Variants in MIA2 observed in about 807,000 individuals in gnomAD.
MIA2 encodes the protein MIA SH3 domain ER export factor 2.
A neutral mutation model predicts 167.8 loss-of-function variants in MIA2; 127 were observed. The observed-to-expected ratio is 0.76, with a 90% CI of 0.66 to 0.88. The LOEUF is 0.88. Ranked by LOEUF, MIA2 falls within the 40% of genes least tolerant of loss-of-function variation. The pLI, the probability that MIA2 is intolerant of heterozygous loss-of-function variation, is 0.00. For synonymous variants in MIA2, 552 were observed against 541.9 expected (o/e 1.02, Z -0.26); for missense variants, 1,690 against 1,624.7 (o/e 1.04, Z -0.69).
At chr14:39,355,819 T>C (rs1436654395), downstream of MIA2, among the ~76,000 whole-genome samples, 1 of 152,182 alleles carries the variant, frequency 6.6e-6, no homozygotes, top group Non-Finnish European at 1.5e-5. Flanking sequence ...ATCATGTGGT[T>C]TTTGTCGTTG....
intron 13 of MIA2, among the ~76,000 whole-genome samples, chr14:39,299,070 A>T (rs1464189895): frequency 3.2e-4 from 2 of 6,342 alleles, no homozygotes; most frequent in Non-Finnish European, 1.3e-3. Flanking sequence ...CCTGCCTCTA[A>T]AAAAAAAAAA....
intron 25 of MIA2, among the ~76,000 whole-genome samples, chr14:39,329,711 C>T (rs2068377154): frequency 2.0e-5 from 3 of 150,192 alleles, no homozygotes; most frequent in African/African-American, 7.4e-5. Flanking sequence ...GCCTTTTCTG[C>T]ATCTATTGAG....
rs138717123 is a variant in MIA2 at position 39,328,098 on chromosome 14, G to C, written c.3655+1076G>C. On this transcript the variant is annotated intron_variant, in intron 25 of 28. Transcript: ENST00000640607. ...TACACTCCCACTAACAGTGTAAAGC[G>C]TTCCTATTTCTTCACATCCTCTGCA... Among the ~76,000 whole-genome samples the C allele has an allele frequency of 1.6e-4, 25 of 152,242 alleles. No individual in the cohort carries two copies. In the East Asian group the frequency reaches 4.8e-3, roughly 29 times the overall value.
chr14:39,345,023 C>T (rs1189140351), intron 25 of MIA2, among the ~76,000 whole-genome samples: 1 of 152,072 alleles, frequency 6.6e-6, no homozygotes, highest in Admixed American at 6.6e-5. Flanking sequence ...CAGTGGTACT[C>T]ATCTGTTGAG....
chr14:39,350,159 CCCCCCA>C lies in MIA2; in HGVS notation c.4142_4147del (p.Pro1381_Pro1382del). On this transcript the variant is annotated inframe_deletion, in exon 29 of 29. Transcript: ENST00000640607. ...ACCTTCCCCCAAGACCTGGATTTTT[CCCCCCA>C]CCCCCACATTCTGAAGGTAGAAGTG... The C allele has an allele frequency of 2.0e-6, 2 of 1,003,940 alleles. No individual in the cohort carries two copies. The highest frequency in any genetic ancestry group is 2.9e-6 in the Non-Finnish European group (2 of 698,374). The allele number at this position is 1,003,940 out of a possible 1,614,324, so 62.2% of individuals were successfully genotyped here. A position where few individuals can be genotyped will look rare whatever the true frequency, so the allele number is the denominator to read the frequency against.
At chr14:39,323,772 G>T (rs1395334840) in intron 24 of MIA2, among the ~76,000 whole-genome samples, 1 of 152,138 alleles carries the variant, frequency 6.6e-6, no homozygotes, top group Non-Finnish European at 1.5e-5. Flanking sequence ...GTCAAGGATT[G>T]CTTGTAGTCA....
exon 24 of MIA2, chr14:39,387,558 C>T (rs1391840378): frequency 6.6e-6 from 1 of 152,294 alleles, no homozygotes; most frequent in Non-Finnish European, 1.5e-5. Flanking sequence ...GGAATTTACT[C>T]CTGGTGAAGA....
chr14:39,342,514 TG>T (rs10707495), intron 25 of MIA2, among the ~76,000 whole-genome samples: 3,027 of 152,312 alleles, frequency 0.02, 104 homozygotes, highest in African/African-American at 0.067. Context: ...TATAATCCTT[TG>T]GGTATATACC....
chr14:39,279,721 A>T (rs555289302), intron 9 of MIA2, among the ~76,000 whole-genome samples, 184 bp downstream of exon 9: 2 of 152,206 alleles, frequency 1.3e-5, no homozygotes, highest in Admixed American at 1.3e-4. Flanking sequence ...GTAGGTGTAC[A>T]ATGGTGTCTC....
At chr14:39,238,569 C>T (rs193253636) in intron 2 of MIA2, among the ~76,000 whole-genome samples, 197 of 151,750 alleles carry the variant, frequency 1.3e-3, no homozygotes, top group African/African-American at 3.5e-3. Flanking sequence ...CTAAAGTGGG[C>T]GGATCACTTG....
intron 5 of MIA2, 39 bp from the exon 6 acceptor site, chr14:39,253,032 T>C (rs747607622): frequency 6.4e-7 from 1 of 1,562,902 alleles, no homozygotes; most frequent in Middle Eastern, 1.7e-4. Context: ...AGAAGTTATA[T>C]AATATCATGC....
intron 6 of MIA2, among the ~76,000 whole-genome samples, chr14:39,274,113 A>C (rs1352931650): frequency 6.6e-6 from 1 of 152,166 alleles, no homozygotes; most frequent in African/African-American, 2.4e-5. Context: ...GAACTCCTTT[A>C]GTACTCATGT....
intron 6 of MIA2, among the ~76,000 whole-genome samples, chr14:39,263,707 C>G (rs1277839602): frequency 6.7e-6 from 1 of 149,750 alleles, no homozygotes; most frequent in Non-Finnish European, 1.5e-5. Context: ...TCTCAGCTCA[C>G]TGCAATCTCG....
intron 6 of MIA2, chr14:39,266,889 G>GCCGCCA (rs1255134720): frequency 1.4e-6 from 1 of 717,382 alleles, no homozygotes; most frequent in Non-Finnish European, 1.7e-6. Context: ...TCTCGCCGCC[G>GCCGCCA]CCGCCACCGC....
chr14:39,350,868 A>T (rs1567039601), downstream of MIA2: 1 of 152,204 alleles, frequency 6.6e-6, no homozygotes, highest in Admixed American at 6.5e-5. Context: ...AAAATTGATT[A>T]TATTTTAAAG....
intron 6 of MIA2, chr14:39,265,616 T>G (rs572540533): frequency 2.8e-5 from 13 of 464,344 alleles, no homozygotes; most frequent in Non-Finnish European, 1.9e-5. Flanking sequence ...TAGAGTGACT[T>G]AGGGAGGGCA....
At chr14:39,272,196 C>CA (rs768193174) in intron 6 of MIA2, among the ~76,000 whole-genome samples, 1 of 151,898 alleles carries the variant, frequency 6.6e-6, no homozygotes, top group Non-Finnish European at 1.5e-5. Context: ...ACTAAAGATA[C>CA]AAAAAATTAG....
At chr14:39,356,485 T>TG (rs1294439567) in intron 23 of MIA2, among the ~76,000 whole-genome samples, 1 of 152,236 alleles carries the variant, frequency 6.6e-6, no homozygotes, top group Non-Finnish European at 1.5e-5. Flanking sequence ...TCAGTGTTGT[T>TG]GATCTTTTCA....
rs373046158 is a variant in MIA2 at position 39,307,390 on chromosome 14, A to ATTTT, written c.2879-1034_2879-1031dup. Among the ~76,000 whole-genome samples the ATTTT allele has an allele frequency of 5.6e-4, 38 of 67,530 alleles. 4 individuals carry two copies. The highest frequency in any genetic ancestry group is 1.9e-3 in the African/African-American group (38 of 20,488). The allele number at this position is 67,530 out of a possible 152,430, so 44.3% of individuals were successfully genotyped here. On this transcript the variant is annotated intron_variant, in intron 17 of 28. Coordinates refer to ENST00000640607, the MANE Select transcript of MIA2 (RefSeq NM_001329214.4). Reference sequence around the variant, plus strand: ...ATAAATAATAACAAAAGTTAAAAGAATTTTTTTTTTTTTTTTTTTTTTTTT... The same window carrying ATTTT: ...ATAAATAATAACAAAAGTTAAAAGAATTTTTTTTTTTTTTTTTTTTTTTTTTTTT...
Sources: allele counts gnomAD v4.1 joint callset (sites outside exome capture counted in the v4.1 genomes callset), GRCh38; gene constraint gnomAD v4.1.1; transcripts MANE v1.5; gene names NCBI Gene and HGNC (gene_info 2026-07-23, HGNC 2026-07-21).